CSMD3: variants seen among roughly 807,000 people sequenced by gnomAD.
CSMD3 encodes CUB and Sushi multiple domains 3.
CSMD3 carries 177 observed loss-of-function variants against 435.2 expected under a neutral mutation model. The ratio of observed to expected loss-of-function variants is 0.41; its 90% confidence interval spans 0.36 to 0.46. The LOEUF is 0.46. Among genes scored for constraint, CSMD3 ranks in the 20% least tolerant of loss-of-function variants. The pLI is 0.34. For missense variants in CSMD3, 4,265 were observed against 4,504.6 expected (o/e 0.95, Z 1.52); for synonymous variants, 1,656 against 1,520.5 (o/e 1.09, Z -2.07).
intron 22 of CSMD3, among the ~76,000 whole-genome samples, chr8:112,592,087 T>G (rs895097058): frequency 2.6e-5 from 4 of 151,720 alleles, no homozygotes; most frequent in Admixed American, 6.6e-5. Flanking sequence ...TTGTGTGTGT[T>G]TTTTTTAGCA....
chr8:112,627,199 C>A (rs1271081755), intron 22 of CSMD3, among the ~76,000 whole-genome samples: 1 of 152,056 alleles, frequency 6.6e-6, no homozygotes, highest in East Asian at 1.9e-4. Flanking sequence ...TTTATTTTTG[C>A]TTTAAAGCAC....
At chr8:112,326,654 C>A (rs1015587806) in intron 45 of CSMD3, among the ~76,000 whole-genome samples, 2 of 152,220 alleles carry the variant, frequency 1.3e-5, no homozygotes, top group African/African-American at 4.8e-5. Context: ...CACAATGGGT[C>A]ATTCAAAGCA....
intron 34 of CSMD3, among the ~76,000 whole-genome samples, chr8:112,407,910 G>T (rs1036520217): frequency 7.2e-5 from 11 of 152,068 alleles, no homozygotes; most frequent in Admixed American, 3.3e-4. Context: ...TATAATTTTA[G>T]AATGGAACAC....
At chr8:113,142,909 A>C (rs192806113) in intron 4 of CSMD3, among the ~76,000 whole-genome samples, 9 of 150,406 alleles carry the variant, frequency 6.0e-5, no homozygotes, top group African/African-American at 1.9e-4. Flanking sequence ...ACATGCAAAA[A>C]TTAAAAGTAA....
At chr8:112,999,264 G>A (rs1423798632) in intron 6 of CSMD3, among the ~76,000 whole-genome samples, 3 of 151,804 alleles carry the variant, frequency 2.0e-5, no homozygotes, top group Non-Finnish European at 2.9e-5. Context: ...AGAGTAGTTC[G>A]GAAGACCTTA....
At chr8:112,915,956 G>C (rs1436405010) in intron 10 of CSMD3, among the ~76,000 whole-genome samples, 2 of 151,762 alleles carry the variant, frequency 1.3e-5, no homozygotes, top group African/African-American at 4.8e-5. Flanking sequence ...ATATACTTCA[G>C]AATATTTAGA....
At chr8:113,382,971 A>C (rs748433518) in intron 1 of CSMD3, among the ~76,000 whole-genome samples, 4 of 152,142 alleles carry the variant, frequency 2.6e-5, no homozygotes, top group Non-Finnish European at 5.9e-5. Flanking sequence ...ACAGAACAAG[A>C]CTCTGTCTCA....
At chr8:112,270,717 C>T (rs1817452534) in intron 59 of CSMD3, among the ~76,000 whole-genome samples, 1 of 151,962 alleles carries the variant, frequency 6.6e-6, no homozygotes, top group African/African-American at 2.4e-5. Flanking sequence ...TGTAAGAAAA[C>T]ATGCTCTAAT....
chr8:112,682,898 C>A (rs2075932984), intron 15 of CSMD3, among the ~76,000 whole-genome samples: 1 of 152,038 alleles, frequency 6.6e-6, no homozygotes, highest in African/African-American at 2.4e-5. Flanking sequence ...AGAATTATTT[C>A]TGCTTATTTC....
chr8:113,003,357 T>C (rs951371994), intron 6 of CSMD3, among the ~76,000 whole-genome samples: 1 of 152,134 alleles, frequency 6.6e-6, no homozygotes, highest in Admixed American at 6.6e-5. Context: ...TTCAAAATAT[T>C]GATCATTTAT....
chr8:112,931,120 A>C (rs940064432), intron 9 of CSMD3, among the ~76,000 whole-genome samples: 2 of 152,090 alleles, frequency 1.3e-5, no homozygotes, highest in South Asian at 2.1e-4. Flanking sequence ...ATTAAAATAA[A>C]TCTGCCAAAG....
chr8:113,095,349 T>A (rs1307713848), intron 5 of CSMD3, among the ~76,000 whole-genome samples: 1 of 152,190 alleles, frequency 6.6e-6, no homozygotes, highest in African/African-American at 2.4e-5. Flanking sequence ...CCCAACACTC[T>A]TTCTTGCAAA....
intron 32 of CSMD3, among the ~76,000 whole-genome samples, chr8:112,451,027 A>G (rs557784705): frequency 6.6e-6 from 1 of 152,314 alleles, no homozygotes; most frequent in South Asian, 2.1e-4. Flanking sequence ...GGTTAAATAA[A>G]CATTGGTACA....
intron 30 of CSMD3, among the ~76,000 whole-genome samples, chr8:112,498,768 C>T (rs551770838): frequency 6.6e-6 from 1 of 151,884 alleles, no homozygotes; most frequent in African/African-American, 2.4e-5. Context: ...TATGTATAAG[C>T]CTTTCAGCTT....
intron 2 of CSMD3, among the ~76,000 whole-genome samples, chr8:113,300,009 C>T (rs2093752755): frequency 6.7e-6 from 1 of 149,784 alleles, no homozygotes; most frequent in Non-Finnish European, 1.5e-5. Context: ...AAAAAATTAG[C>T]AAAGCATGGT....
chr8:113,004,490 T>G (rs2131088404), intron 6 of CSMD3, among the ~76,000 whole-genome samples: 1 of 152,126 alleles, frequency 6.6e-6, no homozygotes, highest in Admixed American at 6.6e-5. Flanking sequence ...TAGAGCAGGC[T>G]TAAAATGTTG....
intron 4 of CSMD3, among the ~76,000 whole-genome samples, chr8:113,099,586 T>C (rs1473476596): frequency 1.3e-5 from 2 of 152,064 alleles, no homozygotes; most frequent in Admixed American, 6.6e-5. Flanking sequence ...AAACAATGTA[T>C]CTTTTACTAA....
At chr8:112,662,466 C>A (rs1156590154) in intron 17 of CSMD3, among the ~76,000 whole-genome samples, 1 of 151,844 alleles carries the variant, frequency 6.6e-6, no homozygotes. Context: ...AACTGGCTAG[C>A]CATATGTAGA....
At chr8:113,353,078 A>G (rs901348450) in intron 1 of CSMD3, among the ~76,000 whole-genome samples, 1 of 152,184 alleles carries the variant, frequency 6.6e-6, no homozygotes, top group African/African-American at 2.4e-5. Flanking sequence ...AAGTAGTGCC[A>G]GTGATGATGG....
Sources: gnomAD v4.1 joint callset for allele counts (sites outside exome capture counted in the v4.1 genomes callset) on GRCh38, gnomAD v4.1.1 for gene constraint, MANE v1.5 for transcripts, NCBI Gene and HGNC (gene_info 2026-07-23, HGNC 2026-07-21) for gene names.